Variants in PHLDB2 observed in about 807,000 individuals in gnomAD.
The protein encoded by PHLDB2 is pleckstrin homology like domain family B member 2.
In PHLDB2, 71 loss-of-function variants were observed where a neutral mutation model predicts 123.6. The observed-to-expected ratio is 0.57, with a 90% CI of 0.47 to 0.70. The LOEUF is 0.70. Among genes scored for constraint, PHLDB2 ranks in the 30% least tolerant of loss-of-function variants. The probability of loss-of-function intolerance (pLI) is 0.00; values close to 1 mark genes in which losing one functional copy is unlikely to be tolerated. For synonymous variants in PHLDB2, 547 were observed against 541.6 expected (o/e 1.01, Z -0.14); for missense variants, 1,446 against 1,519.5 (o/e 0.95, Z 0.80).
intron 12 of PHLDB2, among the ~76,000 whole-genome samples, chr3:111,961,070 C>T (rs1031213348): frequency 1.3e-5 from 2 of 152,296 alleles, no homozygotes; most frequent in Non-Finnish European, 1.5e-5. Flanking sequence ...CGGTGGCTCA[C>T]GCCTGTAATC....
intron 1 of PHLDB2, among the ~76,000 whole-genome samples, chr3:111,815,639 G>A (rs1402189225): frequency 6.6e-6 from 1 of 152,172 alleles, no homozygotes; most frequent in East Asian, 1.9e-4. Flanking sequence ...TTCAAGGGGT[G>A]ACTTGGGTGC....
intron 16 of PHLDB2, among the ~76,000 whole-genome samples, chr3:111,973,252 G>A (rs1406332067): frequency 6.8e-6 from 1 of 147,574 alleles, no homozygotes; most frequent in African/African-American, 2.5e-5. Context: ...GAAAAATCAC[G>A]CACCCTGAAT....
At chr3:111,945,710 T>C (rs2070255200) in intron 9 of PHLDB2, among the ~76,000 whole-genome samples, 1 of 152,004 alleles carries the variant, frequency 6.6e-6, no homozygotes, top group Non-Finnish European at 1.5e-5. Flanking sequence ...GTCTCCTTTC[T>C]CCCTCCCCTC....
At chr3:111,782,443 CT>C (rs1362406611) in intron 1 of PHLDB2, among the ~76,000 whole-genome samples, 1 of 152,126 alleles carries the variant, frequency 6.6e-6, no homozygotes, top group Non-Finnish European at 1.5e-5. Context: ...ACTCTTTGAG[CT>C]CAAAAGCTCA....
chr3:111,882,309 A>G (rs1320914348), intron 1 of PHLDB2, among the ~76,000 whole-genome samples: 1 of 152,212 alleles, frequency 6.6e-6, no homozygotes, highest in African/African-American at 2.4e-5. Flanking sequence ...TGGCAAGCCA[A>G]CGAGAGGTGA....
Position 111,884,275 on chromosome 3 carries a change from G to A in PHLDB2, c.198G>A (p.Val66=), listed in dbSNP as rs1339497407. ...SGSYLTLSQP[V]PAKRSPSPLG... The stretch of plus-strand genomic sequence containing the variant: ...CCTATTTAACCCTCTCACAACCTGT[G>A]CCTGCAAAGAGAAGCCCTTCTCCTT... The change falls in exon 2 of 18, where the codon GTG becomes GTA. Residue 66 remains valine (V), a synonymous_variant. Coordinates refer to ENST00000431670, the MANE Select transcript of PHLDB2 (RefSeq NM_001134438.2). 2.5e-6 allele frequency: 4 copies of A among 1,614,038 alleles called. No homozygotes were observed. In the Admixed American group the frequency reaches 5.0e-5, roughly 20 times the overall value.
chr3:111,770,344 G>A (rs2060153819), intron 1 of PHLDB2, among the ~76,000 whole-genome samples: 1 of 152,132 alleles, frequency 6.6e-6, no homozygotes, highest in Admixed American at 6.5e-5. Flanking sequence ...TTTCTGATGT[G>A]TGTATTTCCC....
chr3:111,741,664 C>A (rs1364377061), intron 1 of PHLDB2, among the ~76,000 whole-genome samples: 1 of 152,118 alleles, frequency 6.6e-6, no homozygotes, highest in African/African-American at 2.4e-5. Context: ...GTTGGTTACA[C>A]AAAACCTAAA....
chr3:111,831,621 G>A (rs2063043049), intron 1 of PHLDB2, among the ~76,000 whole-genome samples: 1 of 152,114 alleles, frequency 6.6e-6, no homozygotes, highest in African/African-American at 2.4e-5. Flanking sequence ...ACATAGTATT[G>A]TTCAAGACCA....
At chr3:111,900,900 C>CT (rs140477832) in intron 2 of PHLDB2, among the ~76,000 whole-genome samples, 72,860 of 150,960 alleles carry the variant, frequency 0.48, 18,123 homozygotes, top group East Asian at 0.66. Flanking sequence ...GTTTGTTTTG[C>CT]TTTTTTTTTC....
rs945974765 is a variant in PHLDB2 at position 111,741,557 on chromosome 3, C to CTG, written c.-49+8866_-49+8867dup. On this transcript the variant is annotated intron_variant, in intron 1 of 17. Coordinates refer to the PHLDB2 transcript ENST00000393923. ...TGCATGTCTCTGTGTGTGTGTGTGT[C>CTG]TGTGTGTGTGTGTTACGTGGAAAGA... 2.4e-4 allele frequency among the ~76,000 whole-genome samples: 36 copies of CTG among 151,022 alleles called. 1 individual carries two copies. The highest frequency in any genetic ancestry group is 1.9e-3 in the Admixed American group (28 of 15,130).
At chr3:111,821,005 C>T (rs1437591322) in intron 1 of PHLDB2, among the ~76,000 whole-genome samples, 3 of 152,112 alleles carry the variant, frequency 2.0e-5, no homozygotes, top group Non-Finnish European at 2.9e-5. Context: ...ATTCCAGAAC[C>T]GAGGTTTAGT....
chr3:111,943,884 A>G (rs751499135), intron 8 of PHLDB2, among the ~76,000 whole-genome samples: 2 of 152,218 alleles, frequency 1.3e-5, no homozygotes, highest in Non-Finnish European at 2.9e-5. Context: ...TTTACACAAT[A>G]TAAATGAAAA....
rs532498865 is a variant in PHLDB2 at position 111,913,660 on chromosome 3, G to A, written c.1677G>A (p.Pro559=). The A allele has an allele frequency of 9.3e-6, 15 of 1,613,682 alleles. No homozygotes were observed. The highest frequency in any genetic ancestry group is 6.7e-5 in the African/African-American group (5 of 75,014). ...CTCCACCACCATCCTCCACCTTTCC[G>A]AAAGCTTCCAGCGAGTCCTCTTATC... The part of the protein sequence containing the change: ...RTPPPPSSTF[P]KASSESSYLS... The change falls in exon 3 of 18, where the codon CCG becomes CCA. Residue 559 remains proline, a synonymous_variant. Transcript: ENST00000431670.
intron 1 of PHLDB2, among the ~76,000 whole-genome samples, chr3:111,767,030 C>CAAA (rs5851783): frequency 4.3e-4 from 27 of 63,012 alleles, no homozygotes; most frequent in African/African-American, 1.3e-3. Context: ...GACTTCATCT[C>CAAA]AAAAAAAAAA....
intron 1 of PHLDB2, among the ~76,000 whole-genome samples, chr3:111,818,885 C>G (rs937982567): frequency 1.6e-4 from 24 of 152,006 alleles, no homozygotes; most frequent in Non-Finnish European, 2.8e-4. Flanking sequence ...TTACTTTTCC[C>G]TTCCAATGCA....
chr3:111,827,347 C>T lies in PHLDB2; in HGVS notation c.-48-18474C>T, dbSNP rs548829653. On this transcript the variant is annotated intron_variant, in intron 1 of 17. Coordinates refer to the PHLDB2 transcript ENST00000393923. ...CTAAGCTCTTACCACACCCGACTACCTTCTGGCCAAATCCCACTCTGTTAT... is the reference window on the plus strand; with the variant it reads ...CTAAGCTCTTACCACACCCGACTACTTTCTGGCCAAATCCCACTCTGTTAT... Among the ~76,000 whole-genome samples, 5 of 152,310 alleles carry T rather than the reference C, an allele frequency of 3.3e-5. No homozygotes were observed. In the South Asian group the frequency reaches 1.0e-3, roughly 32 times the overall value.
At chr3:111,831,473 C>G (rs35803924) in intron 1 of PHLDB2, among the ~76,000 whole-genome samples, 25,441 of 151,982 alleles carry the variant, frequency 0.17, 4,472 homozygotes, top group African/African-American at 0.43. Flanking sequence ...AATTTTCTTA[C>G]AGTCATCAAT....
rs1338706662 is a variant in PHLDB2 at position 111,779,926 on chromosome 3, T to G, written c.-49+47223T>G. The G allele has an allele frequency of 6.6e-6, 6 of 915,748 alleles. No individual in the cohort carries two copies. The African/African-American group carries it at 1.1e-4, about 17-fold the overall frequency. The allele number at this position is 915,748 out of a possible 1,614,324, so 56.7% of individuals were successfully genotyped here. On this transcript the variant is annotated intron_variant, in intron 1 of 17. Coordinates refer to the PHLDB2 transcript ENST00000393923. ...TTGGGTCATACACCCAACACTTGGC[T>G]ATTTATCACCCCACACATTCAGATT... is the stretch of plus-strand genomic sequence containing the variant.
Sources: allele counts gnomAD v4.1 joint callset (sites outside exome capture counted in the v4.1 genomes callset), GRCh38; gene constraint gnomAD v4.1.1; transcripts MANE v1.5; gene names NCBI Gene and HGNC (gene_info 2026-07-23, HGNC 2026-07-21).